The following RASGRF2 variants were observed in gnomAD, a reference collection of about 807,000 sequenced individuals.
RASGRF2 encodes the protein Ras protein specific guanine nucleotide releasing factor 2.
A neutral mutation model predicts 151.0 loss-of-function variants in RASGRF2; 76 were observed. The observed-to-expected ratio is 0.50, with a 90% CI of 0.42 to 0.61. RASGRF2 has a LOEUF of 0.61. Among genes scored for constraint, RASGRF2 ranks in the 20% least tolerant of loss-of-function variants. RASGRF2 has a pLI of 0.00. For synonymous variants in RASGRF2, 504 were observed against 566.5 expected (o/e 0.89, Z 1.57); for missense variants, 1,148 against 1,564.6 (o/e 0.73, Z 4.49).
chr5:81,000,550 T>C (rs983558984), intron 1 of RASGRF2, among the ~76,000 whole-genome samples: 4 of 152,212 alleles, frequency 2.6e-5, no homozygotes, highest in African/African-American at 9.7e-5. Flanking sequence ...GCTTTTGAAC[T>C]TATTTAAAAA....
chr5:81,112,797 G>C lies in RASGRF2; in HGVS notation c.2026G>C (p.Ala676Pro). The C allele has an allele frequency of 2.5e-6, 4 of 1,614,154 alleles. No homozygotes were observed. Among genetic ancestry groups the C allele is most frequent in the Non-Finnish European group, 3.4e-6 (4 of 1,180,030 alleles). The change falls in exon 14 of 27, where the codon GCT becomes CCT. Residue 676 changes from alanine (A) to proline (P), a missense_variant. Physicochemically the swap from Ala to Pro is conservative, Grantham distance 27 (BLOSUM62 -1). Transcript: ENST00000265080. ...CACCTATCGTATTTTCACTACTGCC[G>C]CTGTGGTGCTGGGGAAACTCTCCGA... ...LHTYRIFTTA[A>P]VVLGKLSDIY... is the part of the protein sequence containing the mutation.
chr5:81,086,779 A>G, intron 8 of RASGRF2, 56 bp from the exon 9 acceptor site: 4 of 1,423,766 alleles, frequency 2.8e-6, no homozygotes, highest in Admixed American at 1.7e-5. Context: ...CTTTGCCTAC[A>G]TGCTAGGGCA....
chr5:81,111,350 G>T (rs1752987191), intron 13 of RASGRF2, among the ~76,000 whole-genome samples: 1 of 152,218 alleles, frequency 6.6e-6, no homozygotes, highest in Non-Finnish European at 1.5e-5. Flanking sequence ...ACTTGGAGAG[G>T]CTGCCAGTGC....
chr5:80,986,475 G>A (rs764058961), intron 1 of RASGRF2, among the ~76,000 whole-genome samples: 1 of 152,164 alleles, frequency 6.6e-6, no homozygotes, highest in African/African-American at 2.4e-5. Flanking sequence ...TACCAGTACA[G>A]GTATGTAGTT....
In RASGRF2 at chr5:80,988,008, CGTGTGTGTGTGTGT is replaced by C. The variant is rs58750663; in HGVS notation, c.288+27013_288+27026del. The stretch of plus-strand genomic sequence containing the variant: ...CATGTGTAGTTTTGAAATAAATGTG[CGTGTGTGTGTGTGT>C]GTGTGTGTGTGTGTGTGTGTGTGTG... On this transcript the variant is annotated intron_variant, in intron 1 of 26. Coordinates refer to ENST00000265080, the MANE Select transcript of RASGRF2 (RefSeq NM_006909.3). Among the ~76,000 whole-genome samples, 1,047 of 139,492 alleles carry C rather than the reference CGTGTGTGTGTGTGT, an allele frequency of 7.5e-3. 9 individuals are homozygous for C. Among genetic ancestry groups the C allele is most frequent in the African/African-American group, 0.026 (969 of 37,708 alleles). The allele number at this position is 139,492 out of a possible 152,430, so 91.5% of individuals were successfully genotyped here.
At chr5:80,968,273 T>C (rs1747788620) in intron 1 of RASGRF2, among the ~76,000 whole-genome samples, 1 of 152,248 alleles carries the variant, frequency 6.6e-6, no homozygotes, top group Non-Finnish European at 1.5e-5. Flanking sequence ...ATAGAATATT[T>C]CAGGGAATGC....
intron 1 of RASGRF2, among the ~76,000 whole-genome samples, chr5:80,983,309 C>T (rs1459557502): frequency 6.6e-6 from 1 of 152,236 alleles, no homozygotes; most frequent in African/African-American, 2.4e-5. Flanking sequence ...GACTCTCCAT[C>T]TGGGAGTCTC....
chr5:81,065,383 C>G (rs112815023), intron 2 of RASGRF2, among the ~76,000 whole-genome samples: 5,440 of 152,240 alleles, frequency 0.036, 148 homozygotes, highest in Middle Eastern at 0.11. Flanking sequence ...TCTTGGTTCT[C>G]CCTTGTGTCC....
intron 1 of RASGRF2, among the ~76,000 whole-genome samples, chr5:81,003,445 G>A (rs372398752): frequency 2.5e-4 from 38 of 152,136 alleles, no homozygotes; most frequent in East Asian, 7.7e-4. Flanking sequence ...GGATGGTCTC[G>A]ATCTACTGAC....
At chr5:81,224,797 C>G (rs1050026235) in intron 26 of RASGRF2, among the ~76,000 whole-genome samples, 2 of 152,218 alleles carry the variant, frequency 1.3e-5, no homozygotes, top group Non-Finnish European at 2.9e-5. Flanking sequence ...GGAGTACACA[C>G]TGTATGATCC....
At chr5:81,084,040 G>C (rs1752158926) in intron 7 of RASGRF2, among the ~76,000 whole-genome samples, 1 of 152,170 alleles carries the variant, frequency 6.6e-6, no homozygotes, top group African/African-American at 2.4e-5. Context: ...CCTGCTTTTT[G>C]GCAGTTTCAG....
chr5:81,108,204 A>G (rs563470400), intron 12 of RASGRF2, among the ~76,000 whole-genome samples: 2 of 152,278 alleles, frequency 1.3e-5, no homozygotes, highest in South Asian at 4.1e-4. Flanking sequence ...ATATTTTTTC[A>G]TTTTCCTGTT....
intron 1 of RASGRF2, among the ~76,000 whole-genome samples, chr5:80,971,118 A>G (rs906322670): frequency 6.6e-6 from 1 of 152,252 alleles, no homozygotes; most frequent in African/African-American, 2.4e-5. Flanking sequence ...AAGTACACAC[A>G]TCATAGGTGT....
chr5:81,112,365 GT>G (rs1383646036), intron 13 of RASGRF2, among the ~76,000 whole-genome samples: 1 of 152,152 alleles, frequency 6.6e-6, no homozygotes, highest in Non-Finnish European at 1.5e-5. Flanking sequence ...ATGTGCATAG[GT>G]TATGTGGAAA....
intron 20 of RASGRF2, 123 bp downstream of exon 20, chr5:81,207,028 C>A: frequency 1.1e-6 from 1 of 910,804 alleles, no homozygotes; most frequent in Non-Finnish European, 1.8e-6. Context: ...ATCTGTGAAG[C>A]TCTGTGAGAT....
At chr5:81,150,498 G>A (rs1236211583) in intron 17 of RASGRF2, among the ~76,000 whole-genome samples, 3 of 152,156 alleles carry the variant, frequency 2.0e-5, no homozygotes, top group Non-Finnish European at 2.9e-5. Context: ...GGGACGGTGT[G>A]TTCACCATTA....
intron 13 of RASGRF2, among the ~76,000 whole-genome samples, chr5:81,110,743 C>T (rs187278111): frequency 3.3e-5 from 5 of 152,256 alleles, no homozygotes; most frequent in African/African-American, 1.2e-4. Context: ...CAGCCATCTT[C>T]TGGACAGGGT....
intron 7 of RASGRF2, among the ~76,000 whole-genome samples, chr5:81,081,816 C>A (rs967467315): frequency 6.6e-6 from 1 of 152,108 alleles, no homozygotes; most frequent in African/African-American, 2.4e-5. Flanking sequence ...GATTTTTAAC[C>A]GAAAGGATGC....
chr5:80,988,133 C>T (rs2112255026), intron 1 of RASGRF2, among the ~76,000 whole-genome samples: 1 of 152,020 alleles, frequency 6.6e-6, no homozygotes, highest in East Asian at 1.9e-4. Context: ...TCATTGCAAC[C>T]TCCACCTCCT....
Sources: allele counts gnomAD v4.1 joint callset (sites outside exome capture counted in the v4.1 genomes callset), GRCh38; gene constraint gnomAD v4.1.1; transcripts MANE v1.5; gene names NCBI Gene and HGNC (gene_info 2026-07-23, HGNC 2026-07-21).